PCSK5: variants seen among roughly 807,000 people sequenced by gnomAD.
PCSK5 encodes the protein proprotein convertase subtilisin/kexin type 5.
PCSK5 carries 129 observed loss-of-function variants against 233.2 expected under a neutral mutation model. The ratio of observed to expected loss-of-function variants is 0.55; its 90% CI spans 0.48 to 0.64. PCSK5 has a LOEUF of 0.64. Among genes scored for constraint, PCSK5 ranks in the 30% least tolerant of loss-of-function variants. PCSK5 has a pLI of 0.00. For synonymous variants in PCSK5, 825 were observed against 879.2 expected (o/e 0.94, Z 1.09); for missense variants, 2,076 against 2,430.1 (o/e 0.85, Z 3.06).
Position 75,942,062 on chromosome 9 carries a change from G to C in PCSK5, c.297+9579G>C, listed in dbSNP as rs575487222. ...ATAAACTCACGTGCCTTGAGTGGTA[G>C]TGCAGGTAACATGAGTGAGTGAGAA... On this transcript the variant is annotated intron_variant, in intron 2 of 37. Coordinates refer to ENST00000674117, the MANE Select transcript of PCSK5 (RefSeq NM_001372043.1). Among the ~76,000 whole-genome samples the C allele has an allele frequency of 1.0e-3, 158 of 152,358 alleles. 1 individual carries two copies. The highest frequency in any genetic ancestry group is 1.7e-3 in the Non-Finnish European group (119 of 68,040).
intron 9 of PCSK5, among the ~76,000 whole-genome samples, chr9:76,116,349 A>C (rs966368346): frequency 1.3e-5 from 2 of 152,126 alleles, no homozygotes; most frequent in African/African-American, 2.4e-5. Flanking sequence ...TCATTTCTCT[A>C]TTCATAATTC....
At chr9:76,250,793 AG>A (rs1826777243) in intron 24 of PCSK5, among the ~76,000 whole-genome samples, 1 of 152,262 alleles carries the variant, frequency 6.6e-6, no homozygotes, top group Admixed American at 6.5e-5. Flanking sequence ...ACTTTACGTT[AG>A]TAATAACCAC....
Position 76,358,775 on chromosome 9 carries a change from T to A in PCSK5, c.5517T>A (p.Asp1839Glu), listed in dbSNP as rs1830368669. Residue 1839 changes from aspartate to glutamate, a missense_variant, in exon 38 of 38, where the codon GAT becomes GAA. By Grantham distance (45) the Asp-to-Glu change is conservative. This residue lies in a region of PCSK5 where 1,510 missense variants were observed against 1,538.1 expected (regional missense o/e 0.98). Coordinates refer to ENST00000674117, the MANE Select transcript of PCSK5 (RefSeq NM_001372043.1). The part of the protein sequence containing the change: ...FEEDQVIEYR[D>E]RDYDEDDDDD... ...AGGATCAGGTGATTGAGTACAGGGATCGGGACTATGATGAGGATGATGATG... is the reference window on the plus strand; with the variant it reads ...AGGATCAGGTGATTGAGTACAGGGAACGGGACTATGATGAGGATGATGATG... 6.2e-6 allele frequency: 10 copies of A among 1,612,892 alleles called. No individual in the cohort carries two copies. Among genetic ancestry groups the A allele is most frequent in the Non-Finnish European group, 8.5e-6 (10 of 1,179,894 alleles).
chr9:75,940,050 T>C (rs973090401), intron 2 of PCSK5, among the ~76,000 whole-genome samples: 1 of 152,234 alleles, frequency 6.6e-6, no homozygotes, highest in African/African-American at 2.4e-5. Flanking sequence ...GATTTAGTCT[T>C]ATCACTTTAC....
intron 11 of PCSK5, among the ~76,000 whole-genome samples, chr9:76,157,565 C>T (rs1408682069): frequency 6.6e-6 from 1 of 151,904 alleles, no homozygotes; most frequent in East Asian, 1.9e-4. Flanking sequence ...TTACTCACAG[C>T]TTTCAGGGCC....
chr9:76,361,320 G>C lies in PCSK5; in HGVS notation c.*2398G>C, dbSNP rs1830427149. On this transcript the variant is annotated 3_prime_UTR_variant, in exon 38 of 38. Transcript: ENST00000674117. ...AGATGGCACCATTGCACTCCAGCCT[G>C]GGTGACAGAGCAAGACTCCATCTCA... The C allele has an allele frequency of 6.6e-6, 1 of 152,018 alleles. No homozygotes were observed. The highest frequency in any genetic ancestry group is 2.1e-4 in the South Asian group (1 of 4,824). The allele number at this position is 152,018 out of a possible 1,614,324, so 9.4% of individuals were successfully genotyped here. A position where few individuals can be genotyped will look rare whatever the true frequency, so the allele number is the denominator to read the frequency against.
intron 15 of PCSK5, among the ~76,000 whole-genome samples, chr9:76,180,000 TTTC>T (rs1348538991): frequency 3.8e-5 from 2 of 52,848 alleles, no homozygotes; most frequent in Non-Finnish European, 7.2e-5. Context: ...CCTCCAGACC[TTTC>T]TTTTTTTTTT....
At chr9:76,273,792 A>C (rs1236042261) in intron 24 of PCSK5, among the ~76,000 whole-genome samples, 1 of 149,986 alleles carries the variant, frequency 6.7e-6, no homozygotes, top group Non-Finnish European at 1.5e-5. Context: ...GCTATCATAC[A>C]TAGCTAATTT....
At chr9:76,072,971 G>A (rs1395437042) in intron 7 of PCSK5, among the ~76,000 whole-genome samples, 1 of 152,306 alleles carries the variant, frequency 6.6e-6, no homozygotes, top group East Asian at 1.9e-4. Context: ...TTAGTTCTGG[G>A]TATATCTTCC....
chr9:76,278,734 T>C (rs1361493628), intron 24 of PCSK5, among the ~76,000 whole-genome samples: 1 of 152,134 alleles, frequency 6.6e-6, no homozygotes, highest in Non-Finnish European at 1.5e-5. Context: ...GGTAGGTATC[T>C]ACCTACCATA....
chr9:76,087,693 T>C (rs1284852613), intron 7 of PCSK5, among the ~76,000 whole-genome samples: 2 of 152,220 alleles, frequency 1.3e-5, no homozygotes, highest in South Asian at 2.1e-4. Flanking sequence ...AAAATTAATA[T>C]GATTGCTAAT....
At chr9:76,228,000 T>C (rs1825952776) in intron 21 of PCSK5, among the ~76,000 whole-genome samples, 1 of 151,768 alleles carries the variant, frequency 6.6e-6, no homozygotes, top group Non-Finnish European at 1.5e-5. Context: ...GACAGAGTCT[T>C]GCTCTGTCAC....
intron 30 of PCSK5, among the ~76,000 whole-genome samples, chr9:76,315,786 T>C (rs1335399221): frequency 1.3e-5 from 2 of 151,530 alleles, no homozygotes; most frequent in African/African-American, 2.4e-5. Flanking sequence ...GCGCCCACCA[T>C]CAAGCTCGAC....
At chr9:76,351,552 AAGAG>A (rs925432052) in intron 36 of PCSK5, among the ~76,000 whole-genome samples, 1 of 140,540 alleles carries the variant, frequency 7.1e-6, no homozygotes, top group African/African-American at 2.5e-5. Flanking sequence ...AAAGAGAAAG[AAGAG>A]AGAGAGAGAA....
rs545162322 is a variant in PCSK5, at chr9:76,062,838, A to G, written c.633-5117A>G. Among the ~76,000 whole-genome samples, 43 of 152,320 alleles carry G rather than the reference A, an allele frequency of 2.8e-4. 1 individual carries two copies. The South Asian group carries it at 6.8e-3, about 24-fold the overall frequency. On this transcript the variant is annotated intron_variant, in intron 5 of 37. Coordinates refer to ENST00000674117, the MANE Select transcript of PCSK5 (RefSeq NM_001372043.1). ...TTCTCTTCTAGCTATTTTGAAATAT[A>G]CAATAAGCTATTATTAACTATTATC... is the stretch of plus-strand genomic sequence containing the variant.
intron 2 of PCSK5, among the ~76,000 whole-genome samples, chr9:75,959,478 C>G (rs1241547405): frequency 6.6e-6 from 1 of 152,166 alleles, no homozygotes; most frequent in South Asian, 2.1e-4. Context: ...ACACATGAGA[C>G]TACAGGATGT....
At chr9:76,096,214 C>CACAG (rs568805931) in intron 8 of PCSK5, 112 bp downstream of exon 8, 2 of 677,716 alleles carry the variant, frequency 3.0e-6, no homozygotes, top group African/African-American at 3.6e-5. Flanking sequence ...CACACACACA[C>CACAG]AGAAGTAATA....
Position 76,303,304 on chromosome 9 carries a change from G to T in PCSK5, c.3604+1087G>T, listed in dbSNP as rs574718482. ...TCCTCCCACCTTGGCCTCCCAGATT[G>T]CTGGGATTATAGACATAAGCCACCG... On this transcript the variant is annotated intron_variant, in intron 28 of 37. Transcript: ENST00000674117. 3.9e-5 allele frequency among the ~76,000 whole-genome samples: 6 copies of T among 152,244 alleles called. No homozygotes were observed. In the East Asian group the frequency reaches 1.2e-3, roughly 29 times the overall value.
rs144856837 is a variant in PCSK5, at chr9:75,974,501, C to T, written c.298-11631C>T. On this transcript the variant is annotated intron_variant, in intron 2 of 37. Transcript: ENST00000674117. ...TTTGGACAGCATTTTTCCCTGAGGC[C>T]GAAAGGCATGCTTTTCCCCCACCCT... is the stretch of plus-strand genomic sequence containing the variant. Among the ~76,000 whole-genome samples the T allele has an allele frequency of 3.7e-3, 568 of 152,134 alleles. 12 individuals are homozygous for T. The highest frequency in any genetic ancestry group is 0.031 in the Admixed American group (472 of 15,290).
Sources: allele counts gnomAD v4.1 joint callset (sites outside exome capture counted in the v4.1 genomes callset), GRCh38; gene constraint gnomAD v4.1.1; regional missense constraint gnomAD v4.1.1; transcripts MANE v1.5; gene names NCBI Gene and HGNC (gene_info 2026-07-23, HGNC 2026-07-21).